Variants in AFF3 observed in about 807,000 individuals in gnomAD.
AFF3 encodes the protein AF4/FMR2 family member 3.
AFF3 carries 32 observed loss-of-function variants against 129.7 expected under a neutral mutation model. The ratio of observed to expected loss-of-function variants is 0.25; its 90% CI spans 0.19 to 0.33. AFF3 has a LOEUF of 0.33. AFF3 is among the 10% of genes least tolerant of loss of function. The probability of loss-of-function intolerance (pLI) is 1.00; values close to 1 mark genes in which losing one functional copy is unlikely to be tolerated. For missense variants in AFF3, 1,373 were observed against 1,592.0 expected (o/e 0.86, Z 2.34); for synonymous variants, 644 against 635.4 (o/e 1.01, Z -0.20).
At position 99,548,563 on chromosome 2, in the gene AFF3, C is replaced by A. The variant is rs774855151; in HGVS notation, c.*2911G>T. Reference sequence around the variant, plus strand: ...ACCAGCCTGGGCAACATAGTGAGACCCCCATCTCTACAAAAAAAATAAAGA... The same window carrying A: ...ACCAGCCTGGGCAACATAGTGAGACACCCATCTCTACAAAAAAAATAAAGA... On this transcript the variant is annotated 3_prime_UTR_variant, in exon 25 of 25. Transcript: ENST00000672756. 1 of 197,226 alleles carries A rather than the reference C, an allele frequency of 5.1e-6. No homozygotes were observed. Among genetic ancestry groups the A allele is most frequent in the Admixed American group, 6.1e-5 (1 of 16,526 alleles). 12.2% of individuals were successfully genotyped at this position (197,226 alleles called of 1,614,324 possible).
chr2:99,828,218 T>C (rs1688244241), intron 8 of AFF3, among the ~76,000 whole-genome samples: 1 of 152,138 alleles, frequency 6.6e-6, no homozygotes, highest in African/African-American at 2.4e-5. Flanking sequence ...ATAAAGTCAA[T>C]GGTAAAATGA....
intron 4 of AFF3, among the ~76,000 whole-genome samples, chr2:100,034,726 C>T (rs1684772659): frequency 6.6e-6 from 1 of 151,522 alleles, no homozygotes; most frequent in Non-Finnish European, 1.5e-5. Context: ...ATAAAAAGAG[C>T]CCCAGAAAGG....
intron 7 of AFF3, among the ~76,000 whole-genome samples, chr2:99,863,549 A>AT (rs370439990): frequency 1.2e-4 from 19 of 152,342 alleles, no homozygotes; most frequent in African/African-American, 4.6e-4. Context: ...CTGATTTATG[A>AT]TTTTTACATG....
At chr2:100,130,703 C>A (rs544360481) in intron 1 of AFF3, among the ~76,000 whole-genome samples, 1 of 152,306 alleles carries the variant, frequency 6.6e-6, no homozygotes, top group South Asian at 2.1e-4. Flanking sequence ...AGCAAAATCA[C>A]TGGCTGCAGT....
At chr2:99,893,735 C>A (rs548101026) in intron 7 of AFF3, among the ~76,000 whole-genome samples, 2 of 152,342 alleles carry the variant, frequency 1.3e-5, no homozygotes. Flanking sequence ...AGAACATCAA[C>A]TAACACTATT....
rs1041108556 is a variant in AFF3 at position 99,593,241 on chromosome 2, T to C, written c.2420A>G (p.Asp807Gly). 1.9e-6 allele frequency: 3 copies of C among 1,609,506 alleles called. No individual in the cohort carries two copies. The African/African-American group carries it at 4.0e-5, about 22-fold the overall frequency. Reference sequence around the variant, plus strand: ...TGGCAAAGCCTTTTCTGCAGGTGTGTCCGAGGTGTGGCTGGGCGGTGCGCT... The same window carrying C: ...TGGCAAAGCCTTTTCTGCAGGTGTGCCCGAGGTGTGGCTGGGCGGTGCGCT... The part of the protein sequence containing the change: ...SESAPPSHTS[D>G]TPAEKALPKS... Residue 807 changes from aspartate (D) to glycine (G), a missense_variant, in exon 15 of 25, where the codon GAC becomes GGC. Asp to Gly is a moderately conservative substitution (Grantham distance 94). Transcript: ENST00000672756.
chr2:99,613,430 C>T (rs1309015902), intron 13 of AFF3, among the ~76,000 whole-genome samples: 1 of 152,044 alleles, frequency 6.6e-6, no homozygotes, highest in Non-Finnish European at 1.5e-5. Flanking sequence ...GGTTATTGGC[C>T]ATTAATTCTT....
At chr2:99,806,252 C>A (rs979072808) in intron 8 of AFF3, among the ~76,000 whole-genome samples, 8 of 152,286 alleles carry the variant, frequency 5.3e-5, no homozygotes, top group African/African-American at 1.4e-4. Context: ...ATGTTCAATT[C>A]ATTAATTAAT....
chr2:99,815,211 C>T (rs1687127617), intron 8 of AFF3, among the ~76,000 whole-genome samples: 1 of 152,116 alleles, frequency 6.6e-6, no homozygotes, highest in Non-Finnish European at 1.5e-5. Context: ...ATTGTTCAGT[C>T]TTATTCCTTG....
intron 8 of AFF3, among the ~76,000 whole-genome samples, chr2:99,824,938 C>T (rs1010305776): frequency 6.6e-6 from 1 of 152,130 alleles, no homozygotes; most frequent in African/African-American, 2.4e-5. Flanking sequence ...GGTGGGTTAG[C>T]GATTGTGAAA....
At chr2:100,085,557 A>G (rs1689353808) in intron 4 of AFF3, among the ~76,000 whole-genome samples, 1 of 147,386 alleles carries the variant, frequency 6.8e-6, no homozygotes, top group Non-Finnish European at 1.5e-5. Flanking sequence ...GAACTCCAAA[A>G]TAAATACCTG....
chr2:99,735,942 C>A lies in AFF3; in HGVS notation c.1039+8162G>T, dbSNP rs535867970. Among the ~76,000 whole-genome samples the A allele has an allele frequency of 9.2e-5, 14 of 152,228 alleles. No individual in the cohort carries two copies. In the South Asian group the frequency reaches 2.9e-3, roughly 32 times the overall value. ...TTCTTAATTTCTAAACATGTGTTTT[C>A]CCTCCTAGTCATATTTTCATTATCA... On this transcript the variant is annotated intron_variant, in intron 10 of 24. Coordinates refer to ENST00000672756, the MANE Select transcript of AFF3 (RefSeq NM_001386135.1).
chr2:99,751,314 A>G (rs972002509), intron 9 of AFF3, among the ~76,000 whole-genome samples: 2 of 152,184 alleles, frequency 1.3e-5, no homozygotes, highest in Non-Finnish European at 2.9e-5. Context: ...GCTGGTCTTC[A>G]ACTCTTGACC....
intron 7 of AFF3, among the ~76,000 whole-genome samples, chr2:99,975,278 T>C (rs1031164689): frequency 6.6e-6 from 1 of 152,166 alleles, no homozygotes; most frequent in Non-Finnish European, 1.5e-5. Flanking sequence ...CCCTAATGAA[T>C]TGGGGTAGAA....
intron 13 of AFF3, among the ~76,000 whole-genome samples, chr2:99,626,221 C>T (rs560352745): frequency 6.6e-6 from 1 of 152,272 alleles, no homozygotes; most frequent in East Asian, 1.9e-4. Context: ...ATCTGCAAAC[C>T]TAGAGTCCAT....
chr2:99,944,084 A>T (rs1478190444), intron 7 of AFF3, among the ~76,000 whole-genome samples: 1 of 152,000 alleles, frequency 6.6e-6, no homozygotes, highest in Non-Finnish European at 1.5e-5. Flanking sequence ...ATATTTTTGT[A>T]GAGAAAGGGT....
At chr2:100,138,968 A>G (rs1020495687) in intron 1 of AFF3, among the ~76,000 whole-genome samples, 3 of 145,602 alleles carry the variant, frequency 2.1e-5, no homozygotes, top group Non-Finnish European at 4.5e-5. Context: ...AAAAGACACC[A>G]CTAAATGGGA....
rs1675325435 is a variant in AFF3, at chr2:99,688,802, C to A, written c.1092-16213G>T. ...GCGCCTGGGCATCTCTGCACTGTGG[C>A]TTCCTGGAGGCTCGAGCTCATATTT... On this transcript the variant is annotated intron_variant, in intron 11 of 24. Transcript: ENST00000672756. 2.0e-5 allele frequency among the ~76,000 whole-genome samples: 3 copies of A among 152,284 alleles called. No individual in the cohort carries two copies. The South Asian group carries it at 6.2e-4, about 32-fold the overall frequency.
At chr2:99,592,381 G>C (rs1678771058) in intron 15 of AFF3, among the ~76,000 whole-genome samples, 1 of 152,170 alleles carries the variant, frequency 6.6e-6, no homozygotes, top group South Asian at 2.1e-4. Flanking sequence ...AGCAACAGCT[G>C]CTGGTTCTGA....
Sources: allele counts gnomAD v4.1 joint callset (sites outside exome capture counted in the v4.1 genomes callset), GRCh38; gene constraint gnomAD v4.1.1; transcripts MANE v1.5; gene names NCBI Gene and HGNC (gene_info 2026-07-23, HGNC 2026-07-21).